The following CA10 variants were observed in gnomAD, a reference collection of about 807,000 sequenced individuals.
CA10 encodes the protein carbonic anhydrase-related protein 10.
In CA10, 14 loss-of-function variants were observed where a neutral mutation model predicts 44.2. The ratio of observed to expected loss-of-function variants is 0.32; its 90% confidence interval spans 0.21 to 0.50. CA10 has a LOEUF of 0.50. CA10 is among the 20% of genes least tolerant of loss of function. The pLI is 0.99. For synonymous variants in CA10, 159 were observed against 141.6 expected (o/e 1.12, Z -0.87); for missense variants, 350 against 409.7 (o/e 0.85, Z 1.26).
At chr17:51,738,096 TA>T (rs1362031808) in intron 4 of CA10, among the ~76,000 whole-genome samples, 1 of 152,146 alleles carries the variant, frequency 6.6e-6, no homozygotes, top group Admixed American at 6.6e-5. Context: ...TGCAAAAAAT[TA>T]ATGGAACATG....
At chr17:51,663,225 C>CT (rs764064346) in intron 4 of CA10, among the ~76,000 whole-genome samples, 149,757 of 149,758 alleles carry the variant, frequency 1, 74,878 homozygotes, top group Non-Finnish European at 1. Context: ...ACTTGGAATG[C>CT]GTTTCGAGAC....
intron 3 of CA10, among the ~76,000 whole-genome samples, chr17:51,836,819 G>T (rs900489239): frequency 5.3e-5 from 8 of 152,132 alleles, no homozygotes; most frequent in Admixed American, 4.6e-4. Context: ...GATAGGGAGG[G>T]TGTGGGTACA....
intron 2 of CA10, among the ~76,000 whole-genome samples, chr17:52,027,556 G>A (rs920404496): frequency 3.9e-5 from 6 of 152,114 alleles, no homozygotes; most frequent in African/African-American, 1.4e-4. Context: ...AAGACGACAT[G>A]CACATAGAAA....
rs576229208 is a variant in CA10, at chr17:51,922,650, C to T, written c.279+8340G>A. ...CTTTAGCTCCTGCCAGTTCCTTTTT[C>T]GGTACTATCGTTTGTGATTCTATCA... is the stretch of plus-strand genomic sequence containing the variant. On this transcript the variant is annotated intron_variant, in intron 3 of 8. Transcript: ENST00000451037. Among the ~76,000 whole-genome samples, 43 of 152,224 alleles carry T rather than the reference C, an allele frequency of 2.8e-4. No homozygotes were observed. In the East Asian group the frequency reaches 3.9e-3, roughly 14 times the overall value.
intron 1 of CA10, among the ~76,000 whole-genome samples, chr17:52,086,957 T>A (rs1988131275): frequency 6.6e-6 from 1 of 152,166 alleles, no homozygotes; most frequent in Admixed American, 6.5e-5. Context: ...TTTTGTCTTG[T>A]GTGTTTGTTG....
chr17:51,982,921 C>G (rs960826704), intron 2 of CA10, among the ~76,000 whole-genome samples: 1 of 151,802 alleles, frequency 6.6e-6, no homozygotes, highest in Non-Finnish European at 1.5e-5. Context: ...AATACCATCA[C>G]TCCTAAAATT....
At chr17:51,959,165 T>C (rs1313177434) in intron 2 of CA10, among the ~76,000 whole-genome samples, 1 of 151,544 alleles carries the variant, frequency 6.6e-6, no homozygotes, top group Non-Finnish European at 1.5e-5. Flanking sequence ...CTTAGACTAG[T>C]GAAAGCAGCA....
intron 2 of CA10, among the ~76,000 whole-genome samples, chr17:51,978,603 G>C (rs751292013): frequency 6.6e-6 from 1 of 151,960 alleles, no homozygotes; most frequent in Non-Finnish European, 1.5e-5. Context: ...TGTACAAAAA[G>C]ATCTTTTTGG....
At chr17:51,858,585 G>C (rs934885628) in intron 3 of CA10, among the ~76,000 whole-genome samples, 2 of 152,198 alleles carry the variant, frequency 1.3e-5, no homozygotes, top group South Asian at 2.1e-4. Context: ...GGCTTTAAGA[G>C]CTCCTTCTAC....
intron 2 of CA10, among the ~76,000 whole-genome samples, chr17:51,947,043 C>G (rs1983304480): frequency 1.3e-5 from 2 of 151,854 alleles, no homozygotes; most frequent in Admixed American, 1.3e-4. Context: ...GAGAGAAAAA[C>G]AGTAAAAACA....
At chr17:51,940,667 G>A (rs1353235653) in intron 2 of CA10, among the ~76,000 whole-genome samples, 1 of 135,464 alleles carries the variant, frequency 7.4e-6, no homozygotes, top group Non-Finnish European at 1.6e-5. Flanking sequence ...AAACTAACTT[G>A]TTCAAGATAA....
At chr17:51,725,740 T>A (rs1916494276) in intron 4 of CA10, among the ~76,000 whole-genome samples, 1 of 152,198 alleles carries the variant, frequency 6.6e-6, no homozygotes, top group Non-Finnish European at 1.5e-5. Flanking sequence ...TTCTCAGGCT[T>A]GAGTAGAAGG....
At chr17:52,034,636 C>A (rs542474933) in intron 2 of CA10, among the ~76,000 whole-genome samples, 82 of 152,136 alleles carry the variant, frequency 5.4e-4, no homozygotes, top group African/African-American at 1.9e-3. Flanking sequence ...CAATCCAGTC[C>A]AGCTCAACCA....
chr17:51,976,041 A>G lies in CA10; in HGVS notation c.137-44909T>C, dbSNP rs149759971. ...ATAGATACCTTACAAATTAGACTTC[A>G]CCAAGTAATGCATTATCATAGATAA... On this transcript the variant is annotated intron_variant, in intron 2 of 8. Transcript: ENST00000451037. 5.9e-5 allele frequency among the ~76,000 whole-genome samples: 9 copies of G among 152,302 alleles called. No individual in the cohort carries two copies. The East Asian group carries it at 1.7e-3, about 29-fold the overall frequency.
chr17:51,923,761 A>C (rs1324041262), intron 3 of CA10, among the ~76,000 whole-genome samples: 3 of 152,212 alleles, frequency 2.0e-5, no homozygotes, highest in Non-Finnish European at 2.9e-5. Flanking sequence ...ACTGAAAATT[A>C]GTTTTAGTAA....
Position 51,752,627 on chromosome 17 carries a change from TA to T in CA10, c.280-4810del, listed in dbSNP as rs200009654. On this transcript the variant is annotated intron_variant, in intron 3 of 8. Transcript: ENST00000451037. ...GCAAGTGTCCTTGCTCATTTCAGAT[TA>T]AAAAAAAATACTTTGGGGGGCCAGG... 7.4e-4 allele frequency among the ~76,000 whole-genome samples: 112 copies of T among 151,192 alleles called. 1 individual carries two copies. The East Asian group carries it at 0.015, about 20-fold the overall frequency.
intron 6 of CA10, among the ~76,000 whole-genome samples, chr17:51,641,460 TTA>T (rs767620748): frequency 7.9e-5 from 12 of 152,182 alleles, no homozygotes; most frequent in Non-Finnish European, 1.8e-4. Flanking sequence ...GGTCAAATTT[TTA>T]TATGAGAGTG....
intron 4 of CA10, among the ~76,000 whole-genome samples, chr17:51,695,116 T>C (rs1915356914): frequency 6.6e-6 from 1 of 152,214 alleles, no homozygotes; most frequent in Non-Finnish European, 1.5e-5. Flanking sequence ...TTCTTTTTGC[T>C]TAGGATTGCT....
chr17:52,001,049 C>A (rs555836606), intron 2 of CA10, among the ~76,000 whole-genome samples: 60 of 151,144 alleles, frequency 4.0e-4, no homozygotes, highest in African/African-American at 1.4e-3. Flanking sequence ...GTACTGAGCA[C>A]TCTTTTTGTT....
Sources: allele counts gnomAD v4.1 joint callset (sites outside exome capture counted in the v4.1 genomes callset), GRCh38; gene constraint gnomAD v4.1.1; transcripts MANE v1.5; gene names NCBI Gene and HGNC (gene_info 2026-07-23, HGNC 2026-07-21).